Variants in EVI5L observed in about 807,000 individuals in gnomAD.
EVI5L encodes ecotropic viral integration site 5 like, also known as EVI5-like protein.
In EVI5L, 30 loss-of-function variants were observed where a neutral mutation model predicts 106.1. The observed-to-expected ratio is 0.28, with a 90% CI of 0.21 to 0.38. The LOEUF is 0.38. Among genes scored for constraint, EVI5L ranks in the 10% least tolerant of loss-of-function variants. The pLI, the probability that EVI5L is intolerant of heterozygous loss-of-function variation, is 1.00. For synonymous variants in EVI5L, 489 were observed against 483.3 expected (o/e 1.01, Z -0.15); for missense variants, 809 against 1,098.0 (o/e 0.74, Z 3.72).
chr19:7,855,209 G>A (rs1469300968), intron 10 of EVI5L, among the ~76,000 whole-genome samples: 3 of 148,886 alleles, frequency 2.0e-5, no homozygotes, highest in Non-Finnish European at 4.4e-5. Context: ...CCCTGCTCCC[G>A]GGTTCAAGTG....
chr19:7,841,707 G>A (rs1978608591), intron 1 of EVI5L, among the ~76,000 whole-genome samples: 1 of 152,186 alleles, frequency 6.6e-6, no homozygotes, highest in African/African-American at 2.4e-5. Flanking sequence ...CGGAGAGGCT[G>A]GGACCCCAGA....
rs919061216 is a variant in EVI5L at position 7,852,991 on chromosome 19, C to T, written c.988-95C>T. On this transcript the variant is annotated intron_variant, in intron 8 of 19. Coordinates refer to ENST00000538904, the MANE Select transcript of EVI5L (RefSeq NM_001159944.3). Reference sequence around the variant, plus strand: ...GACATGGCGACACCCCGGGCAGACCCGTTCCTGCCCCCCTCCAGGGCAACA... The same window carrying T: ...GACATGGCGACACCCCGGGCAGACCTGTTCCTGCCCCCCTCCAGGGCAACA... 4.4e-5 allele frequency: 54 copies of T among 1,237,804 alleles called. 1 individual carries two copies. The Admixed American group carries it at 5.0e-4, about 12-fold the overall frequency. The allele number at this position is 1,237,804 out of a possible 1,614,324, so 76.7% of individuals were successfully genotyped here. A position where few individuals can be genotyped will look rare whatever the true frequency, so the allele number is the denominator to read the frequency against.
At chr19:7,840,868 T>A (rs1021476543) in intron 1 of EVI5L, among the ~76,000 whole-genome samples, 1 of 152,174 alleles carries the variant, frequency 6.6e-6, no homozygotes, top group Non-Finnish European at 1.5e-5. Context: ...CATTCACCCG[T>A]TGATGGACAT....
chr19:7,860,812 A>G (rs1979764484), intron 14 of EVI5L, 123 bp downstream of exon 14: 1 of 1,150,930 alleles, frequency 8.7e-7, no homozygotes, highest in Non-Finnish European at 1.2e-6. Flanking sequence ...ACAACCATAC[A>G]TATGCACACA....
At position 7,853,116 on chromosome 19, in the gene EVI5L, G is replaced by A. The variant is rs753644059; in HGVS notation, c.1018G>A (p.Asp340Asn). 7.4e-6 allele frequency: 12 copies of A among 1,613,782 alleles called. No individual in the cohort carries two copies. The highest frequency in any genetic ancestry group is 1.3e-5 in the African/African-American group (1 of 74,934). ...YFQRVIPHQFDSCPDKLVLKA... is the reference protein window; with the variant it reads ...YFQRVIPHQFNSCPDKLVLKA... ...CCAGAGAGTGATCCCCCACCAGTTCGACAGCTGCCCGGACAAGCTGGTCCT... is the reference window on the plus strand; with the variant it reads ...CCAGAGAGTGATCCCCCACCAGTTCAACAGCTGCCCGGACAAGCTGGTCCT... Residue 340 changes from aspartate (D) to asparagine (N), a missense_variant, in exon 9 of 20, where the codon GAC (aspartate) becomes AAC (asparagine). Around this residue, in one of 2 missense-constraint regions of EVI5L, gnomAD observed 357 missense variants for 588.1 expected, o/e 0.61. Coordinates refer to ENST00000538904, the MANE Select transcript of EVI5L (RefSeq NM_001159944.3).
chr19:7,862,522 G>A lies in EVI5L; in HGVS notation c.1935G>A (p.Glu645=), dbSNP rs1330819667. The A allele has an allele frequency of 6.5e-7, 1 of 1,541,620 alleles. No homozygotes were observed. The highest frequency in any genetic ancestry group is 1.2e-5 in the South Asian group (1 of 82,652). ...GCGAAAGCCGCCGCAAGCAGGCCGA[G>A]GCCGAGTGCAAGGTGCAGACCCCCG... ...QLSESRRKQA[E]AECKSKEEVM... The change falls in exon 17 of 20, where the codon GAG becomes GAA. Residue 645 remains glutamate (E), a synonymous_variant. Transcript: ENST00000538904.
chr19:7,849,043 C>T lies in EVI5L; in HGVS notation c.450C>T (p.Cys150=), dbSNP rs568978437. 11 of 1,613,556 alleles carry T rather than the reference C, an allele frequency of 6.8e-6. No individual in the cohort carries two copies. Among genetic ancestry groups the T allele is most frequent in the South Asian group, 3.3e-5 (3 of 91,044 alleles). The stretch of plus-strand genomic sequence containing the variant: ...AGCTGCTCAAGATGTCCTCGCCGTG[C>T]GAGAAGCTGATCCGCAGGGACATCG... ...YSELLKMSSP[C]EKLIRRDIAR... is the part of the protein sequence containing the mutation. Residue 150 remains cysteine (C), a synonymous_variant, in exon 4 of 20, where the codon TGC becomes TGT. Transcript: ENST00000538904.
At position 7,846,491 on chromosome 19, in the gene EVI5L, C is replaced by A; in HGVS notation, c.-47-5C>A. 2 of 1,559,628 alleles carry A rather than the reference C, an allele frequency of 1.3e-6. No homozygotes were observed. Among genetic ancestry groups the A allele is most frequent in the South Asian group, 2.4e-5 (2 of 84,890 alleles). On this transcript the variant is annotated splice_polypyrimidine_tract_variant and splice_region_variant and intron_variant, in intron 1 of 19. Coordinates refer to ENST00000538904, the MANE Select transcript of EVI5L (RefSeq NM_001159944.3). ...ATGCCGACCACGCATGTCTCTGGCC[C>A]CCAGACAGAGCTGTGAACCAACCCC...
intron 13 of EVI5L, among the ~76,000 whole-genome samples, chr19:7,859,764 C>A (rs56173429): frequency 0.16 from 24,424 of 152,272 alleles, 2,579 homozygotes; most frequent in Non-Finnish European, 0.22. Flanking sequence ...AGGCCCAAGG[C>A]CACCTCCTCA....
rs749056859 is a variant in EVI5L, at chr19:7,862,973, G to T, written c.1949G>T (p.Ser650Ile). The T allele has an allele frequency of 1.9e-6, 3 of 1,559,550 alleles. No individual in the cohort carries two copies. The East Asian group carries it at 7.2e-5, about 38-fold the overall frequency. The change falls in exon 18 of 20, where the codon AGC becomes ATC. Residue 650 changes from serine (S) to isoleucine (I), a missense_variant and splice_region_variant. By Grantham distance (142) the Ser-to-Ile change is moderately radical (BLOSUM62 -2). This residue lies in a region of EVI5L where 452 missense variants were observed against 509.9 expected (regional missense o/e 0.89). Coordinates refer to ENST00000538904, the MANE Select transcript of EVI5L (RefSeq NM_001159944.3). ...RRKQAEAECKSKEEVMAVRLR... is the reference protein window; with the variant it reads ...RRKQAEAECKIKEEVMAVRLR... ...TTCCCCCCAATCCCCCGACCCCAGA[G>T]CAAGGAGGAGGTGATGGCTGTGCGA... is the stretch of plus-strand genomic sequence containing the variant.
chr19:7,858,254 G>A lies in EVI5L; in HGVS notation c.1297G>A (p.Val433Met). The A allele has an allele frequency of 6.4e-7, 1 of 1,560,436 alleles. No homozygotes were observed. The highest frequency in any genetic ancestry group is 8.7e-7 in the Non-Finnish European group (1 of 1,152,506). The change falls in exon 13 of 20, where the codon GTG becomes ATG. Residue 433 changes from valine to methionine, a missense_variant. Transcript: ENST00000538904. This position sits in a 1 kb window ranked among gnomAD's most constrained non-coding sequence, Gnocchi z 5.7. Reference sequence around the variant, plus strand: ...CGTCATCAAGCGGGAGCTGGCGGTGGTGCGGCAGCAGTGCAGCTCGGCGGC... The same window carrying A: ...CGTCATCAAGCGGGAGCTGGCGGTGATGCGGCAGCAGTGCAGCTCGGCGGC... Reference protein sequence around the residue: ...NYVIKRELAVVRQQCSSAAED... With the variant: ...NYVIKRELAVMRQQCSSAAED...
At chr19:7,852,922 C>G in intron 8 of EVI5L, 164 bp from the exon 9 acceptor site, 1 of 666,734 alleles carries the variant, frequency 1.5e-6, no homozygotes, top group Non-Finnish European at 2.6e-6. Context: ...CCCTCACGCT[C>G]AGTCTTTCCA....
At chr19:7,842,421 G>A (rs1222241073) in intron 1 of EVI5L, among the ~76,000 whole-genome samples, 3 of 105,618 alleles carry the variant, frequency 2.8e-5, no homozygotes, top group African/African-American at 9.9e-5. Flanking sequence ...TATCAAGTGT[G>A]TGCATGTGTG....
chr19:7,836,615 G>A (rs1042116207), intron 1 of EVI5L, among the ~76,000 whole-genome samples: 1 of 151,892 alleles, frequency 6.6e-6, no homozygotes, highest in Admixed American at 6.6e-5. Flanking sequence ...TGCTTACACT[G>A]TACAGAAATT....
intron 14 of EVI5L, 68 bp from the exon 15 acceptor site, chr19:7,861,810 G>A (rs1979809920): frequency 4.6e-6 from 7 of 1,534,912 alleles, no homozygotes; most frequent in Non-Finnish European, 6.1e-6. Flanking sequence ...GGCTGGGGGC[G>A]TTTGTCCTGC....
At chr19:7,837,295 C>T (rs1331764814) in intron 1 of EVI5L, among the ~76,000 whole-genome samples, 2 of 151,328 alleles carry the variant, frequency 1.3e-5, no homozygotes, top group Admixed American at 1.3e-4. Flanking sequence ...CACACCACTG[C>T]ACTCCAGCCT....
At position 7,848,155 on chromosome 19, in the gene EVI5L, G is replaced by C. The variant is rs1476451564; in HGVS notation, c.327+234G>C. On this transcript the variant is annotated intron_variant, in intron 3 of 19. Transcript: ENST00000538904. The surrounding 1 kb of genome is among the most constrained non-coding windows in gnomAD (Gnocchi z 4.8). ...CGAGTGCCCATGTGCTTGCTGCCCT[G>C]TAGTGCCCATGAAGGATGGGGGTGT... Among the ~76,000 whole-genome samples the C allele has an allele frequency of 1.3e-5, 2 of 152,198 alleles. No individual in the cohort carries two copies. Among genetic ancestry groups the C allele is most frequent in the Non-Finnish European group, 2.9e-5 (2 of 68,032 alleles).
In EVI5L at chr19:7,850,225, AC is replaced by A; in HGVS notation, c.753+105del. The A allele has an allele frequency of 6.9e-7, 1 of 1,458,760 alleles. No individual in the cohort carries two copies. Among genetic ancestry groups the A allele is most frequent in the Non-Finnish European group, 9.1e-7 (1 of 1,097,720 alleles). 90.4% of individuals were successfully genotyped at this position (1,458,760 alleles called of 1,614,324 possible). ...CAGAAGGGCAGGGCTGGCACCCTAGACCATACCCGGGCACCTCTTGGACTGA... is the reference window on the plus strand; with the variant it reads ...CAGAAGGGCAGGGCTGGCACCCTAGACATACCCGGGCACCTCTTGGACTGA... On this transcript the variant is annotated intron_variant, in intron 6 of 19. Coordinates refer to ENST00000538904, the MANE Select transcript of EVI5L (RefSeq NM_001159944.3). The surrounding 1 kb of genome is among the most constrained non-coding windows in gnomAD (Gnocchi z 5.4).
In EVI5L at chr19:7,846,573, T is replaced by A. The variant is rs987223235; in HGVS notation, c.31T>A (p.Ser11Thr). The A allele has an allele frequency of 5.0e-6, 8 of 1,613,320 alleles. No individual in the cohort carries two copies. The highest frequency in any genetic ancestry group is 2.7e-5 in the African/African-American group (2 of 74,998). MASPTLSPDS[S>T]SQEALSAPTC... ...GAGCCCCACTCTGAGCCCCGACTCC[T>A]CATCCCAGGAGGCCCTGTCGGCCCC... The change falls in exon 2 of 20, where the codon TCA becomes ACA. Residue 11 changes from serine to threonine, a missense_variant. Ser to Thr is a moderately conservative substitution (Grantham distance 58). Coordinates refer to ENST00000538904, the MANE Select transcript of EVI5L (RefSeq NM_001159944.3).
Sources: allele counts gnomAD v4.1 joint callset (sites outside exome capture counted in the v4.1 genomes callset), GRCh38; gene constraint gnomAD v4.1.1; regional missense constraint gnomAD v4.1.1; non-coding constraint Gnocchi (gnomAD v3.1); transcripts MANE v1.5; gene names NCBI Gene and HGNC (gene_info 2026-07-23, HGNC 2026-07-21).